The following PDS5A variants were observed in gnomAD, a reference collection of about 807,000 sequenced individuals.
PDS5A encodes sister chromatid cohesion protein PDS5 homolog A.
In PDS5A, 42 loss-of-function variants were observed where a neutral mutation model predicts 167.1. That is an observed-to-expected ratio of 0.25 (90% CI 0.20 to 0.33). The LOEUF (loss-of-function observed/expected upper bound fraction) is 0.33. PDS5A is among the 10% of genes least tolerant of loss of function. The pLI is 1.00. For missense variants in PDS5A, 1,033 were observed against 1,605.9 expected, an observed-to-expected ratio of 0.64 and a Z score of 6.10; for synonymous variants, 553 against 554.6, an observed-to-expected ratio of 1.00 and a Z score of 0.04.
chr4:39,839,891 C>G (rs148891694), intron 31 of PDS5A, among the ~76,000 whole-genome samples: 16,790 of 151,668 alleles, frequency 0.11, 1,181 homozygotes, highest in Non-Finnish European at 0.16. Flanking sequence ...GTCAGGAGTT[C>G]AAGACCAGCC....
At chr4:39,867,547 A>C (rs1217551378) in intron 22 of PDS5A, among the ~76,000 whole-genome samples, 1 of 116,950 alleles carries the variant, frequency 8.6e-6, no homozygotes, top group Non-Finnish European at 1.8e-5. Flanking sequence ...CCCCGTCTCT[A>C]CTAAAAAAAA....
chr4:39,961,938 C>A (rs1170898779), intron 2 of PDS5A, among the ~76,000 whole-genome samples: 2 of 152,170 alleles, frequency 1.3e-5, no homozygotes, highest in Non-Finnish European at 2.9e-5. Context: ...AATTCAAGAT[C>A]TTCAATTAAG....
intron 22 of PDS5A, 147 bp from the exon 23 acceptor site, chr4:39,867,144 C>T (rs917787758): frequency 1.2e-5 from 7 of 596,336 alleles, no homozygotes; most frequent in Middle Eastern, 4.6e-4. Flanking sequence ...AGCAACAATA[C>T]GAACTAATAT....
intron 9 of PDS5A, among the ~76,000 whole-genome samples, chr4:39,912,234 G>C (rs1281656135): frequency 6.6e-6 from 1 of 152,168 alleles, no homozygotes; most frequent in African/African-American, 2.4e-5. Context: ...ATGAATCAGA[G>C]ACACCACTAC....
rs2109576415 is a variant in PDS5A at position 39,874,024 on chromosome 4, A to G, written c.2277+265T>C. Among the ~76,000 whole-genome samples the G allele has an allele frequency of 2.0e-5, 3 of 152,316 alleles. No individual in the cohort carries two copies. The South Asian group carries it at 6.2e-4, about 32-fold the overall frequency. ...GCATCACTGTACTCCAGCACTGGTG[A>G]GAAAGTGAAACTTTATCTCAAAAAC... On this transcript the variant is annotated intron_variant, in intron 20 of 32. Transcript: ENST00000303538.
At chr4:39,946,208 A>AT (rs966480044) in intron 2 of PDS5A, among the ~76,000 whole-genome samples, 4 of 82,360 alleles carry the variant, frequency 4.9e-5, no homozygotes, top group South Asian at 1.7e-3. Flanking sequence ...CTTCATCTCA[A>AT]TAAAAAAAAA....
chr4:39,969,341 AT>A (rs1730283811), intron 2 of PDS5A, among the ~76,000 whole-genome samples: 1 of 152,154 alleles, frequency 6.6e-6, no homozygotes, highest in Non-Finnish European at 1.5e-5. Flanking sequence ...TACTGTACCT[AT>A]GTTACCATCT....
chr4:39,944,903 C>G (rs919498205), intron 2 of PDS5A, among the ~76,000 whole-genome samples: 1 of 151,742 alleles, frequency 6.6e-6, no homozygotes, highest in Non-Finnish European at 1.5e-5. Flanking sequence ...TTCTTTTTTT[C>G]TTTACAGCTC....
rs772364277 is a variant in PDS5A, at chr4:39,976,615, C to T, written c.-38G>A. On this transcript the variant is annotated splice_region_variant and 5_prime_UTR_variant, in exon 2 of 33. Transcript: ENST00000303538. ...CTTTTGGTTCACAGTCCTCTACCGGCCTCTATCGGTCAGAAAACCAAAGTT... is the reference window on the plus strand; with the variant it reads ...CTTTTGGTTCACAGTCCTCTACCGGTCTCTATCGGTCAGAAAACCAAAGTT... The T allele has an allele frequency of 2.7e-5, 42 of 1,553,382 alleles. No individual in the cohort carries two copies. The highest frequency in any genetic ancestry group is 3.3e-5 in the Non-Finnish European group (38 of 1,139,976).
intron 6 of PDS5A, among the ~76,000 whole-genome samples, chr4:39,920,808 A>G (rs902868049): frequency 6.6e-6 from 1 of 152,224 alleles, no homozygotes; most frequent in Non-Finnish European, 1.5e-5. Flanking sequence ...TGTTTAATCA[A>G]TGCGTGCTCT....
chr4:39,862,854 C>G lies in PDS5A; in HGVS notation c.2971+15G>C. The G allele has an allele frequency of 1.3e-6, 2 of 1,530,556 alleles. No homozygotes were observed. The highest frequency in any genetic ancestry group is 3.3e-5 in the Admixed American group (2 of 59,774). The allele number at this position is 1,530,556 out of a possible 1,614,324, so 94.8% of individuals were successfully genotyped here. A position where few individuals can be genotyped will look rare whatever the true frequency, so the allele number is the denominator to read the frequency against. ...ACAAAATATATTTGCACACGGAGAA[C>G]TCTGAGTTACTTACCAGTAGCCATA... On this transcript the variant is annotated intron_variant, in intron 25 of 32. Transcript: ENST00000303538.
At chr4:39,920,125 T>A (rs1321798789) in intron 7 of PDS5A, among the ~76,000 whole-genome samples, 194 bp downstream of exon 7, 1 of 152,262 alleles carries the variant, frequency 6.6e-6, no homozygotes, top group African/African-American at 2.4e-5. Flanking sequence ...TGCAGACGAC[T>A]TTTCTTATAG....
At chr4:39,934,615 C>CTTTTTTTTTTTTTTTTTTTTTT (rs5857707) in intron 2 of PDS5A, among the ~76,000 whole-genome samples, 1 of 127,594 alleles carries the variant, frequency 7.8e-6, no homozygotes, top group Non-Finnish European at 1.7e-5. Flanking sequence ...CTTTTTTTTT[C>CTTTTTTTTTTTTTTTTTTTTTT]TTTTTTTTTT....
At chr4:39,889,027 G>A (rs1431992490) in intron 17 of PDS5A, among the ~76,000 whole-genome samples, 2 of 152,112 alleles carry the variant, frequency 1.3e-5, no homozygotes, top group Non-Finnish European at 2.9e-5. Flanking sequence ...TTATGTTATG[G>A]GCTGACATGT....
chr4:39,906,107 C>T (rs1389210017), intron 11 of PDS5A, among the ~76,000 whole-genome samples: 2 of 152,136 alleles, frequency 1.3e-5, no homozygotes, highest in Non-Finnish European at 2.9e-5. Flanking sequence ...CGCCTGTAAT[C>T]TCAACACTTT....
rs1024703904 is a variant in PDS5A at position 39,944,288 on chromosome 4, C to T, written c.139-16124G>A. Among the ~76,000 whole-genome samples, 4 of 151,844 alleles carry T rather than the reference C, an allele frequency of 2.6e-5. No individual in the cohort carries two copies. In the East Asian group the frequency reaches 5.8e-4, roughly 22 times the overall value. ...CCGCCTTCAAGATAACCCACAAACA[C>T]GATTCTTAAAAATTACCTGGATACT... On this transcript the variant is annotated intron_variant, in intron 2 of 32. Transcript: ENST00000303538.
intron 2 of PDS5A, among the ~76,000 whole-genome samples, chr4:39,955,078 T>G (rs780654209): frequency 1.3e-5 from 2 of 151,818 alleles, no homozygotes; most frequent in Non-Finnish European, 2.9e-5. Flanking sequence ...TAAAGCATGC[T>G]GATTATCATC....
Position 39,844,822 on chromosome 4 carries a change from C to A in PDS5A, c.3403-21G>T, listed in dbSNP as rs199958246. 178 of 1,586,756 alleles carry A rather than the reference C, an allele frequency of 1.1e-4. 4 individuals carry two copies. The highest frequency in any genetic ancestry group is 5.3e-4 in the South Asian group (46 of 85,982). ...TTTGGCTAAAAACAAAAACAAAAAACCCCCCAAAAACACACACGTTTATAC... is the reference window on the plus strand; with the variant it reads ...TTTGGCTAAAAACAAAAACAAAAAAACCCCCAAAAACACACACGTTTATAC... On this transcript the variant is annotated intron_variant, in intron 29 of 32. Transcript: ENST00000303538.
chr4:39,976,520 C>T lies in PDS5A; in HGVS notation c.58G>A (p.Asp20Asn). ...ATALCGVVSA[D>N]GKIAYPPGVK... ...CCCGGAGGGTAAGCGATCTTCCCGT[C>T]GGCACTCACGACGCCACAGAGGGCA... Residue 20 changes from aspartate (D) to asparagine (N), a missense_variant, in exon 2 of 33, where the codon GAC (aspartate) becomes AAC (asparagine). Asp to Asn is a conservative substitution (Grantham distance 23, BLOSUM62 1). Around this residue, in one of 4 missense-constraint regions of PDS5A, gnomAD observed 388 missense variants for 615.1 expected, o/e 0.63. Transcript: ENST00000303538. The T allele has an allele frequency of 3.7e-6, 6 of 1,613,404 alleles. No individual in the cohort carries two copies. Among genetic ancestry groups the T allele is most frequent in the Non-Finnish European group, 5.1e-6 (6 of 1,179,440 alleles).
Sources: gnomAD v4.1 joint callset for allele counts (sites outside exome capture counted in the v4.1 genomes callset) on GRCh38, gnomAD v4.1.1 for gene constraint, gnomAD v4.1.1 regional missense constraint, MANE v1.5 for transcripts, NCBI Gene and HGNC (gene_info 2026-07-23, HGNC 2026-07-21) for gene names.